The following ABAT variants were observed in gnomAD, a reference collection of about 807,000 sequenced individuals.
ABAT encodes 4-aminobutyrate aminotransferase, mitochondrial.
A neutral mutation model predicts 64.6 loss-of-function variants in ABAT; 45 were observed. That is an observed-to-expected ratio of 0.70 (90% confidence interval 0.55 to 0.89). The LOEUF (loss-of-function observed/expected upper bound fraction) is 0.89, where lower values mean the gene tolerates loss of function less well. ABAT is among the 40% of genes least tolerant of loss of function. The pLI is 0.00. For missense variants in ABAT, 633 were observed against 658.4 expected, an observed-to-expected ratio of 0.96 and a Z score of 0.42; for synonymous variants, 297 against 250.5, an observed-to-expected ratio of 1.19 and a Z score of -1.75.
Position 8,719,018 on chromosome 16 carries a change from C to G in ABAT, c.-41-16681C>G, listed in dbSNP as rs573783915. 5.9e-5 allele frequency among the ~76,000 whole-genome samples: 9 copies of G among 152,198 alleles called. No individual in the cohort carries two copies. In the South Asian group the frequency reaches 1.2e-3, roughly 21 times the overall value. On this transcript the variant is annotated intron_variant, in intron 1 of 15. Coordinates refer to ENST00000268251, the MANE Select transcript of ABAT (RefSeq NM_020686.6). ...TGCGTACTTAGCGGTTTCTGGAGTC[C>G]GTGAAAGTGGTTTGTTTTCTCTGAA...
intron 4 of ABAT, among the ~76,000 whole-genome samples, chr16:8,749,675 C>T (rs541414135): frequency 2.6e-5 from 4 of 152,054 alleles, no homozygotes; most frequent in East Asian, 3.9e-4. Context: ...GGATTACAGG[C>T]GTGAGCCACT....
At chr16:8,755,123 G>A (rs1567305559) in intron 5 of ABAT, among the ~76,000 whole-genome samples, 1 of 151,722 alleles carries the variant, frequency 6.6e-6, no homozygotes, top group Non-Finnish European at 1.5e-5. Flanking sequence ...CAAGAATATA[G>A]TCGTTGATTC....
chr16:8,724,248 A>T (rs2058469227), intron 1 of ABAT, among the ~76,000 whole-genome samples: 1 of 152,010 alleles, frequency 6.6e-6, no homozygotes, highest in African/African-American at 2.4e-5. Flanking sequence ...AATCTATCAC[A>T]TTTTTTCCCC....
At chr16:8,679,029 G>A (rs1237467092) in intron 1 of ABAT, among the ~76,000 whole-genome samples, 1 of 152,084 alleles carries the variant, frequency 6.6e-6, no homozygotes. Flanking sequence ...TTAAAAATGA[G>A]CAAAGTGGGC....
intron 2 of ABAT, among the ~76,000 whole-genome samples, chr16:8,743,444 TAC>T (rs1555489336): frequency 2.5e-5 from 3 of 117,702 alleles, no homozygotes; most frequent in African/African-American, 1.1e-4. Flanking sequence ...TATATATATA[TAC>T]ACACATTTTA....
chr16:8,778,749 C>T (rs1049731918), intron 14 of ABAT, among the ~76,000 whole-genome samples: 4 of 151,020 alleles, frequency 2.6e-5, no homozygotes, highest in African/African-American at 2.4e-5. Flanking sequence ...TGCACTCCAG[C>T]CAGGGCAACA....
intron 1 of ABAT, among the ~76,000 whole-genome samples, chr16:8,680,957 T>C (rs1309754972): frequency 1.3e-5 from 2 of 148,572 alleles, no homozygotes; most frequent in Admixed American, 1.4e-4. Flanking sequence ...TCTTCTTTTC[T>C]CTTTTTCTTT....
At chr16:8,758,868 C>CAG (rs1235501279) in intron 6 of ABAT, among the ~76,000 whole-genome samples, 1 of 152,128 alleles carries the variant, frequency 6.6e-6, no homozygotes, top group African/African-American at 2.4e-5. Context: ...GAGGCTGAGG[C>CAG]AGGCAGAGCA....
intron 4 of ABAT, 50 bp downstream of exon 4, chr16:8,748,187 G>T: frequency 6.5e-7 from 1 of 1,543,422 alleles, no homozygotes; most frequent in South Asian, 1.1e-5. Context: ...TATCACAATT[G>T]AGCTAAAAGA....
At chr16:8,777,883 C>T (rs2060312753) in intron 14 of ABAT, among the ~76,000 whole-genome samples, 1 of 152,174 alleles carries the variant, frequency 6.6e-6, no homozygotes, top group South Asian at 2.1e-4. Context: ...GAGGCAGAAG[C>T]AGGAGGATTG....
At chr16:8,678,114 G>A (rs536517626) in intron 1 of ABAT, among the ~76,000 whole-genome samples, 25 of 152,266 alleles carry the variant, frequency 1.6e-4, no homozygotes, top group African/African-American at 5.5e-4. Flanking sequence ...CAAGCTCCTC[G>A]TTTTGGTTTC....
intron 2 of ABAT, chr16:8,737,399 T>G (rs1203443657): frequency 6.6e-6 from 1 of 151,770 alleles, no homozygotes; most frequent in Non-Finnish European, 1.5e-5. Context: ...ATCGCTTGAA[T>G]CCAGGAGGTA....
At chr16:8,719,518 T>C (rs1406861239) in intron 1 of ABAT, among the ~76,000 whole-genome samples, 1 of 152,200 alleles carries the variant, frequency 6.6e-6, no homozygotes, top group Non-Finnish European at 1.5e-5. Flanking sequence ...TCGTTCTCCC[T>C]GGATTCCTGA....
intron 1 of ABAT, among the ~76,000 whole-genome samples, chr16:8,691,317 T>A (rs893360537): frequency 7.2e-5 from 11 of 152,194 alleles, no homozygotes; most frequent in Non-Finnish European, 1.5e-4. Flanking sequence ...GTGAGGGAGT[T>A]GGGATTTGAA....
intron 6 of ABAT, among the ~76,000 whole-genome samples, chr16:8,761,218 C>CCA (rs1567308621): frequency 3.4e-5 from 5 of 144,950 alleles, no homozygotes; most frequent in Admixed American, 1.4e-4. Context: ...CTCTCTCTGC[C>CCA]CTCTCACCTC....
At chr16:8,756,107 G>A (rs192609086) in intron 5 of ABAT, among the ~76,000 whole-genome samples, 6 of 151,784 alleles carry the variant, frequency 4.0e-5, no homozygotes, top group Admixed American at 6.6e-5. Flanking sequence ...CAGCTACTCC[G>A]GAGGCTGAGG....
intron 1 of ABAT, among the ~76,000 whole-genome samples, chr16:8,720,308 A>T (rs1039980524): frequency 6.6e-6 from 1 of 152,202 alleles, no homozygotes; most frequent in African/African-American, 2.4e-5. Flanking sequence ...TGCCTAGGTA[A>T]TATATATGGC....
intron 1 of ABAT, among the ~76,000 whole-genome samples, chr16:8,689,971 C>T (rs2057543135): frequency 6.6e-6 from 1 of 152,162 alleles, no homozygotes; most frequent in East Asian, 1.9e-4. Flanking sequence ...AGAACAATAA[C>T]AAGAGTCACC....
At chr16:8,777,990 G>C (rs541413602) in intron 14 of ABAT, among the ~76,000 whole-genome samples, 1 of 152,104 alleles carries the variant, frequency 6.6e-6, no homozygotes, top group Non-Finnish European at 1.5e-5. Context: ...TGTCTAACAC[G>C]GTGCCCGGCT....
Sources: allele counts gnomAD v4.1 joint callset (sites outside exome capture counted in the v4.1 genomes callset), GRCh38; gene constraint gnomAD v4.1.1; transcripts MANE v1.5; gene names NCBI Gene and HGNC (gene_info 2026-07-23, HGNC 2026-07-21).